Variants in TTC5 observed in about 807,000 individuals in gnomAD.
TTC5 encodes tetratricopeptide repeat protein 5.
A neutral mutation model predicts 57.4 loss-of-function variants in TTC5; 46 were observed. That is an observed-to-expected ratio of 0.80 (90% CI 0.63 to 1.03). The LOEUF (loss-of-function observed/expected upper bound fraction) is 1.03, where lower values mean the gene tolerates loss of function less well. TTC5 is among the 50% of genes least tolerant of loss of function. The probability of loss-of-function intolerance (pLI) is 0.00; values close to 1 mark genes in which losing one functional copy is unlikely to be tolerated. For missense variants in TTC5, 504 were observed against 528.1 expected, an observed-to-expected ratio of 0.95 and a Z score of 0.45; for synonymous variants, 190 against 203.5, an observed-to-expected ratio of 0.93 and a Z score of 0.57.
chr14:20,302,265 C>CA (rs1435784223), intron 1 of TTC5, among the ~76,000 whole-genome samples: 3 of 152,142 alleles, frequency 2.0e-5, no homozygotes, highest in Non-Finnish European at 4.4e-5. Context: ...TCACATACCA[C>CA]AGTCATGAGG....
chr14:20,298,965 T>C, intron 4 of TTC5, 77 bp from the exon 5 acceptor site: 1 of 1,199,756 alleles, frequency 8.3e-7, no homozygotes, highest in South Asian at 1.3e-5. Flanking sequence ...TTCTTGAAAG[T>C]ATATTTGAAA....
rs58738403 is a variant in TTC5, at chr14:20,290,714, T to C, written c.1204-968A>G. Among the ~76,000 whole-genome samples, 622 of 152,324 alleles carry C rather than the reference T, an allele frequency of 4.1e-3. 6 individuals carry two copies. The highest frequency in any genetic ancestry group is 0.014 in the African/African-American group (601 of 41,586). On this transcript the variant is annotated intron_variant, in intron 9 of 9. Transcript: ENST00000258821. ...AGAAATTCATTTAAGGAACTAATCA[T>C]AGATACAAGCAAAGATACAAAAATC...
chr14:20,302,027 T>G, intron 1 of TTC5, 62 bp from the exon 2 acceptor site: 8 of 1,582,578 alleles, frequency 5.1e-6, no homozygotes, highest in Non-Finnish European at 6.9e-6. Context: ...AACTTGAAAT[T>G]GGCTAGCCAT....
intron 1 of TTC5, 69 bp from the exon 2 acceptor site, chr14:20,302,034 C>T (rs535633039): frequency 1.3e-6 from 2 of 1,551,428 alleles, no homozygotes; most frequent in East Asian, 2.3e-5. Context: ...AATTGGCTAG[C>T]CATACCAGCT....
At chr14:20,291,515 AC>A (rs1232198140) in intron 9 of TTC5, among the ~76,000 whole-genome samples, 1 of 152,242 alleles carries the variant, frequency 6.6e-6, no homozygotes, top group Non-Finnish European at 1.5e-5. Flanking sequence ...AACTCTTAGC[AC>A]AGTGTCTAGC....
At position 20,292,003 on chromosome 14, in the gene TTC5, G is replaced by A. The variant is rs759503883; in HGVS notation, c.1183C>T (p.Arg395Ter). ...AIPEPNLRLH[R>*]IQHKGKDYSF... ...CTCACCTTTCCTTTGTGCTGAATTC[G>A]GTGAAGCCGCAGGTTGGGCTCAGGA... Residue 395 changes from arginine to a stop codon, truncating the protein, a stop_gained, in exon 9 of 10, where the codon CGA (arginine) becomes TGA (stop). Transcript: ENST00000258821. LOFTEE classifies it high-confidence loss of function. The A allele has an allele frequency of 2.5e-6, 4 of 1,589,914 alleles. No homozygotes were observed. Among genetic ancestry groups the A allele is most frequent in the South Asian group, 1.1e-5 (1 of 87,044 alleles).
chr14:20,296,779 A>G (rs905960297), intron 5 of TTC5, among the ~76,000 whole-genome samples: 3 of 152,146 alleles, frequency 2.0e-5, no homozygotes, highest in Non-Finnish European at 4.4e-5. Context: ...TTGGAAAGCC[A>G]AGGCTGGCAG....
rs751643483 is a variant in TTC5, at chr14:20,301,820, C to T, written c.184+13G>A. On this transcript the variant is annotated intron_variant, in intron 2 of 9. Transcript: ENST00000258821. ...CTGAAGGATGGGGGTTGTACAATCT[C>T]TAGGGCTCATACCCACTACTTCTTC... 8 of 1,613,674 alleles carry T rather than the reference C, an allele frequency of 5.0e-6. No individual in the cohort carries two copies. In the South Asian group the frequency reaches 8.8e-5, roughly 18 times the overall value.
intron 5 of TTC5, among the ~76,000 whole-genome samples, chr14:20,298,515 G>A (rs1010303619): frequency 1.3e-5 from 2 of 152,194 alleles, no homozygotes; most frequent in African/African-American, 4.8e-5. Flanking sequence ...AGATGAACAT[G>A]TTGAGGCAGC....
chr14:20,291,945 A>G, intron 9 of TTC5, 38 bp downstream of exon 9: 1 of 1,484,082 alleles, frequency 6.7e-7, no homozygotes, highest in East Asian at 2.4e-5. Flanking sequence ...CTACTTTTAG[A>G]GCCTACGAGT....
intron 6 of TTC5, 40 bp downstream of exon 6, chr14:20,296,346 CTTAT>C: frequency 2.7e-6 from 4 of 1,493,370 alleles, no homozygotes; most frequent in Non-Finnish European, 3.7e-6. Context: ...ACATAGGTGT[CTTAT>C]TTATTTGACC....
At chr14:20,295,015 G>A (rs1167936446) in intron 8 of TTC5, 1 of 315,962 alleles carries the variant, frequency 3.2e-6, no homozygotes, top group Non-Finnish European at 6.0e-6. Context: ...GAAGAATTTT[G>A]AGGTTTCTGT....
chr14:20,295,337 G>A lies in TTC5; in HGVS notation c.1033C>T (p.Leu345Phe). ...AVILGKVVFS[L>F]TTEEKVPFTF... ...AAGGGGACTTTCTCCTCTGTGGTGA[G>A]GCTAAATACCACCTTTCCCAGGATG... Residue 345 changes from leucine to phenylalanine, a missense_variant, in exon 8 of 10, where the codon CTC (leucine) becomes TTC (phenylalanine). By Grantham distance (22) the Leu-to-Phe change is conservative. Coordinates refer to ENST00000258821, the MANE Select transcript of TTC5 (RefSeq NM_138376.3). 6.2e-7 allele frequency: 1 copy of A among 1,614,202 alleles called. No homozygotes were observed. The highest frequency in any genetic ancestry group is 1.1e-5 in the South Asian group (1 of 91,088).
chr14:20,300,592 T>C lies in TTC5; in HGVS notation c.396+15A>G. ...TTCCCATCTCTGCTTTCCAAAGGGA[T>C]AGGGGGCAGCTCACATGGGTGAGGG... On this transcript the variant is annotated intron_variant, in intron 3 of 9. Transcript: ENST00000258821. 1 of 1,603,124 alleles carries C rather than the reference T, an allele frequency of 6.2e-7. No individual in the cohort carries two copies. The highest frequency in any genetic ancestry group is 8.5e-7 in the Non-Finnish European group (1 of 1,177,264).
intron 1 of TTC5, among the ~76,000 whole-genome samples, chr14:20,303,054 T>C (rs994909340): frequency 2.0e-5 from 3 of 152,024 alleles, no homozygotes; most frequent in African/African-American, 4.8e-5. Flanking sequence ...TAGCCAGGCA[T>C]GGTGGCGCAC....
At chr14:20,297,986 A>G (rs1472451558) in intron 5 of TTC5, among the ~76,000 whole-genome samples, 1 of 152,164 alleles carries the variant, frequency 6.6e-6, no homozygotes, top group African/African-American at 2.4e-5. Flanking sequence ...GAGAAAAACC[A>G]ATTTAAAAGG....
At position 20,301,914 on chromosome 14, in the gene TTC5, T is replaced by C; in HGVS notation, c.103A>G (p.Ser35Gly). The C allele has an allele frequency of 6.2e-7, 1 of 1,614,066 alleles. No individual in the cohort carries two copies. The highest frequency in any genetic ancestry group is 1.7e-5 in the Admixed American group (1 of 60,016). The change falls in exon 2 of 10, where the codon AGT (serine) becomes GGT (glycine). Residue 35 changes from serine to glycine, a missense_variant. Physicochemically the swap from Ser to Gly is moderately conservative, Grantham distance 56 (BLOSUM62 0). Coordinates refer to ENST00000258821, the MANE Select transcript of TTC5 (RefSeq NM_138376.3). ...SFRDCYFETH[S>G]VEDAGRKQQD... ...TGCTTCCTCCCAGCATCCTCAACACTATGTGTCTCGAAATAGCAGTCTCGA... is the reference window on the plus strand; with the variant it reads ...TGCTTCCTCCCAGCATCCTCAACACCATGTGTCTCGAAATAGCAGTCTCGA...
rs1469917197 is a variant in TTC5, at chr14:20,286,966, A to T, written c.*2661T>A. 6.6e-6 allele frequency: 1 copy of T among 152,198 alleles called. No individual in the cohort carries two copies. The highest frequency in any genetic ancestry group is 6.5e-5 in the Admixed American group (1 of 15,280). The allele number at this position is 152,198 out of a possible 1,614,324, so 9.4% of individuals were successfully genotyped here. ...AGGAAATAATACTCAAATCTCCTGT[A>T]TTTGCAATACCTAAAAGATAATACC... is the stretch of plus-strand genomic sequence containing the variant. On this transcript the variant is annotated 3_prime_UTR_variant, in exon 10 of 10. Coordinates refer to ENST00000258821, the MANE Select transcript of TTC5 (RefSeq NM_138376.3).
chr14:20,291,883 CAT>C, intron 9 of TTC5, 98 bp downstream of exon 9: 1 of 1,086,776 alleles, frequency 9.2e-7, no homozygotes, highest in Non-Finnish European at 1.2e-6. Context: ...AGCCTACACA[CAT>C]ACTTACATAT....
Sources: allele counts gnomAD v4.1 joint callset (sites outside exome capture counted in the v4.1 genomes callset), GRCh38; gene constraint gnomAD v4.1.1; transcripts MANE v1.5; gene names NCBI Gene and HGNC (gene_info 2026-07-23, HGNC 2026-07-21).